The following KCNQ5 variants were observed in gnomAD, a reference collection of about 807,000 sequenced individuals.
KCNQ5 encodes potassium voltage-gated channel subfamily Q member 5.
In KCNQ5, 30 loss-of-function variants were observed where a neutral mutation model predicts 98.2. The ratio of observed to expected loss-of-function variants is 0.31; its 90% CI spans 0.23 to 0.41. The LOEUF is 0.41. KCNQ5 is among the 10% of genes least tolerant of loss of function. KCNQ5 has a pLI of 1.00. For missense variants in KCNQ5, 835 were observed against 1,182.5 expected, an observed-to-expected ratio of 0.71 and a Z score of 4.31; for synonymous variants, 458 against 449.4, an observed-to-expected ratio of 1.02 and a Z score of -0.24.
At chr6:72,872,661 C>T (rs892673244) in intron 1 of KCNQ5, among the ~76,000 whole-genome samples, 6 of 152,034 alleles carry the variant, frequency 3.9e-5, no homozygotes, top group African/African-American at 1.4e-4. Context: ...GATTTGAACC[C>T]AGACCATCCA....
intron 6 of KCNQ5, 148 bp downstream of exon 6, chr6:73,105,515 T>A: frequency 2.3e-6 from 1 of 439,536 alleles, no homozygotes; most frequent in South Asian, 6.0e-5. Flanking sequence ...TCTAAATATA[T>A]CTACTTGGAT....
intron 1 of KCNQ5, among the ~76,000 whole-genome samples, chr6:72,967,109 A>AT (rs1346200141): frequency 6.6e-6 from 1 of 152,236 alleles, no homozygotes; most frequent in African/African-American, 2.4e-5. Context: ...GTCCATGGTT[A>AT]TAAAGTTTTC....
At chr6:73,042,311 T>C in intron 3 of KCNQ5, 2 of 498,720 alleles carry the variant, frequency 4.0e-6, no homozygotes, top group East Asian at 3.8e-5. Flanking sequence ...AGTTAGTTGC[T>C]GAATGTCATA....
At chr6:72,753,510 G>T (rs1450960860) in intron 1 of KCNQ5, among the ~76,000 whole-genome samples, 1 of 152,006 alleles carries the variant, frequency 6.6e-6, no homozygotes, top group African/African-American at 2.4e-5. Flanking sequence ...ATAAGAAAAT[G>T]CCAAATGTTT....
In KCNQ5 at chr6:72,630,420, T is replaced by A. The variant is rs575933787; in HGVS notation, c.398+7833T>A. On this transcript the variant is annotated intron_variant, in intron 1 of 13. Coordinates refer to ENST00000370398, the MANE Select transcript of KCNQ5 (RefSeq NM_019842.4). ...AATGTTATAATCCATCATTTCTCTTTTTGAACAGTCAATTTAGTTTAACAT... is the reference window on the plus strand; with the variant it reads ...AATGTTATAATCCATCATTTCTCTTATTGAACAGTCAATTTAGTTTAACAT... The A allele has an allele frequency of 1.3e-4, 20 of 152,278 alleles. No individual in the cohort carries two copies. In the East Asian group the frequency reaches 3.9e-3, roughly 29 times the overall value. 9.4% of individuals were successfully genotyped at this position (152,278 alleles called of 1,614,324 possible).
chr6:72,845,615 C>A (rs1776987131), intron 1 of KCNQ5, among the ~76,000 whole-genome samples: 1 of 152,180 alleles, frequency 6.6e-6, no homozygotes, highest in South Asian at 2.1e-4. Flanking sequence ...AAATAACAGT[C>A]ATCTAGCTCC....
At chr6:73,129,538 T>C (rs1258184730) in intron 9 of KCNQ5, among the ~76,000 whole-genome samples, 2 of 152,270 alleles carry the variant, frequency 1.3e-5, no homozygotes, top group African/African-American at 4.8e-5. Context: ...TATTCTTACA[T>C]GCTAACACAG....
chr6:73,040,698 A>G (rs987770009), intron 2 of KCNQ5, among the ~76,000 whole-genome samples: 1 of 152,222 alleles, frequency 6.6e-6, no homozygotes, highest in Non-Finnish European at 1.5e-5. Flanking sequence ...CATGAGAAAT[A>G]TTTGTGGATT....
chr6:72,872,656 G>A (rs893324820), intron 1 of KCNQ5, among the ~76,000 whole-genome samples: 1 of 152,016 alleles, frequency 6.6e-6, no homozygotes, highest in Non-Finnish European at 1.5e-5. Context: ...GCCAGGATTT[G>A]AACCCAGACC....
chr6:72,956,489 C>CTT (rs35114790), intron 1 of KCNQ5, among the ~76,000 whole-genome samples: 97 of 112,020 alleles, frequency 8.7e-4, no homozygotes, highest in Middle Eastern at 4.7e-3. Context: ...TTTCTTTTTT[C>CTT]TTTTTTTTTT....
intron 1 of KCNQ5, among the ~76,000 whole-genome samples, chr6:72,684,921 C>T (rs868746529): frequency 1.2e-4 from 19 of 152,124 alleles, no homozygotes; most frequent in Middle Eastern, 3.4e-3. Context: ...AGGCATTGCT[C>T]CATCTCTCCT....
intron 10 of KCNQ5, among the ~76,000 whole-genome samples, chr6:73,168,124 C>T (rs1242621655): frequency 6.6e-6 from 1 of 152,162 alleles, no homozygotes; most frequent in East Asian, 1.9e-4. Context: ...ATCATCTCTT[C>T]CCGCACCACC....
intron 3 of KCNQ5, among the ~76,000 whole-genome samples, chr6:73,056,978 G>A (rs929566689): frequency 6.6e-6 from 1 of 152,050 alleles, no homozygotes; most frequent in African/African-American, 2.4e-5. Flanking sequence ...CCATTACTGG[G>A]TATATACTCA....
At chr6:73,103,715 A>G (rs182815386) in intron 5 of KCNQ5, among the ~76,000 whole-genome samples, 8 of 151,240 alleles carry the variant, frequency 5.3e-5, no homozygotes, top group African/African-American at 1.9e-4. Context: ...GGTAGTGGAG[A>G]GAGTGAGCAG....
At chr6:73,178,418 C>G (rs937912471) in intron 11 of KCNQ5, among the ~76,000 whole-genome samples, 1 of 149,870 alleles carries the variant, frequency 6.7e-6, no homozygotes, top group Non-Finnish European at 1.5e-5. Context: ...CAAGACCCAT[C>G]TCTACAAACA....
At chr6:72,970,359 G>A (rs1413507892) in intron 1 of KCNQ5, among the ~76,000 whole-genome samples, 1 of 152,138 alleles carries the variant, frequency 6.6e-6, no homozygotes, top group Admixed American at 6.6e-5. Context: ...CAGCTTCAGT[G>A]GATTAAGTAT....
chr6:72,673,654 G>A (rs955212588), intron 1 of KCNQ5, among the ~76,000 whole-genome samples: 4 of 152,116 alleles, frequency 2.6e-5, no homozygotes, highest in African/African-American at 9.7e-5. Context: ...AGGACGTGGA[G>A]TGGGAATATT....
At chr6:72,927,940 C>A (rs188714841) in intron 1 of KCNQ5, among the ~76,000 whole-genome samples, 11 of 152,112 alleles carry the variant, frequency 7.2e-5, no homozygotes, top group African/African-American at 2.6e-4. Flanking sequence ...CTATACCTAA[C>A]ACCTTCTGCA....
chr6:72,972,118 A>G (rs1194409211), intron 1 of KCNQ5, among the ~76,000 whole-genome samples: 2 of 152,170 alleles, frequency 1.3e-5, no homozygotes, highest in Non-Finnish European at 2.9e-5. Context: ...CTACCGGTAA[A>G]GAAATTCTCT....
Sources: allele counts gnomAD v4.1 joint callset (sites outside exome capture counted in the v4.1 genomes callset), GRCh38; gene constraint gnomAD v4.1.1; transcripts MANE v1.5; gene names NCBI Gene and HGNC (gene_info 2026-07-23, HGNC 2026-07-21).